SLC25A19: variants seen among roughly 807,000 people sequenced by gnomAD.
The protein encoded by SLC25A19 is solute carrier family 25 member 19.
Under a neutral mutation model 27.9 loss-of-function variants are expected in SLC25A19, and 18 were observed. The ratio of observed to expected loss-of-function variants is 0.64; its 90% CI spans 0.45 to 0.96. The LOEUF (loss-of-function observed/expected upper bound fraction) is 0.96, where lower values mean the gene tolerates loss of function less well. Ranked by LOEUF, SLC25A19 falls within the 40% of genes least tolerant of loss-of-function variation. SLC25A19 has a pLI of 0.00. For synonymous variants in SLC25A19, 169 were observed against 167.1 expected, an observed-to-expected ratio of 1.01 and a Z score of -0.09; for missense variants, 371 against 418.3, an observed-to-expected ratio of 0.89 and a Z score of 0.99.
chr17:75,281,525 T>C (rs553845889), intron 5 of SLC25A19, among the ~76,000 whole-genome samples: 72 of 152,124 alleles, frequency 4.7e-4, no homozygotes, highest in African/African-American at 1.7e-3. Flanking sequence ...GGTGAAACCC[T>C]GTCTCTACGA....
Position 75,283,685 on chromosome 17 carries a change from G to A in SLC25A19, c.289-92C>T, listed in dbSNP as rs2078111610. ...AATACATCACCCGTGACCCGGCTGG[G>A]GCCCAGGTGGAGGGGCGAGGAAAAG... On this transcript the variant is annotated intron_variant, in intron 4 of 7. Coordinates refer to ENST00000416858, the MANE Select transcript of SLC25A19 (RefSeq NM_001126121.2). 3 of 1,309,060 alleles carry A rather than the reference G, an allele frequency of 2.3e-6. No individual in the cohort carries two copies. The East Asian group carries it at 7.3e-5, about 32-fold the overall frequency. 81.1% of individuals were successfully genotyped at this position (1,309,060 alleles called of 1,614,324 possible).
rs535897553 is a variant in SLC25A19, at chr17:75,282,769, G to A, written c.459+654C>T. On this transcript the variant is annotated intron_variant, in intron 5 of 7. Coordinates refer to ENST00000416858, the MANE Select transcript of SLC25A19 (RefSeq NM_001126121.2). ...CGGGAGGCTGAGGAGGGAGAATGGC[G>A]TGAACCCAGGAGGCGGAGCTTGCAG... Among the ~76,000 whole-genome samples the A allele has an allele frequency of 8.6e-5, 13 of 150,828 alleles. No homozygotes were observed. In the East Asian group the frequency reaches 1.4e-3, roughly 16 times the overall value.
intron 7 of SLC25A19, among the ~76,000 whole-genome samples, chr17:75,276,053 C>A (rs1051310371): frequency 3.9e-5 from 6 of 151,920 alleles, no homozygotes; most frequent in African/African-American, 1.2e-4. Flanking sequence ...GCAGGTGGAT[C>A]ACCTGAGGTC....
At chr17:75,279,358 G>A (rs146169513) in intron 5 of SLC25A19, among the ~76,000 whole-genome samples, 1 of 152,138 alleles carries the variant, frequency 6.6e-6, no homozygotes, top group African/African-American at 2.4e-5. Context: ...TTATAATATG[G>A]TTGTGACTAG....
Position 75,273,406 on chromosome 17 carries a change from C to T in SLC25A19, c.*45G>A, listed in dbSNP as rs765649343. On this transcript the variant is annotated 3_prime_UTR_variant, in exon 8 of 8. Coordinates refer to ENST00000416858, the MANE Select transcript of SLC25A19 (RefSeq NM_001126121.2). Reference sequence around the variant, plus strand: ...CTCAGTGGAGACTGAATCTTCCTTCCTTCAGGAGGCTGCCTCCAGGGAAGA... The same window carrying T: ...CTCAGTGGAGACTGAATCTTCCTTCTTTCAGGAGGCTGCCTCCAGGGAAGA... 41 of 1,592,576 alleles carry T rather than the reference C, an allele frequency of 2.6e-5. No individual in the cohort carries two copies. In the Middle Eastern group the frequency reaches 5.5e-4, roughly 21 times the overall value.
chr17:75,279,754 G>A (rs909220371), intron 5 of SLC25A19, among the ~76,000 whole-genome samples: 10 of 151,916 alleles, frequency 6.6e-5, no homozygotes, highest in East Asian at 3.9e-4. Flanking sequence ...TGATCCGCCC[G>A]CCTTGGCCTC....
chr17:75,274,529 T>A (rs1175246222), intron 7 of SLC25A19, among the ~76,000 whole-genome samples: 2 of 152,190 alleles, frequency 1.3e-5, no homozygotes, highest in Non-Finnish European at 2.9e-5. Flanking sequence ...TGACCTCCAC[T>A]GGTCCTCCCA....
At chr17:75,275,980 A>T (rs1218421368) in intron 7 of SLC25A19, among the ~76,000 whole-genome samples, 7 of 149,966 alleles carry the variant, frequency 4.7e-5, no homozygotes, top group East Asian at 3.9e-4. Flanking sequence ...CAAAAAATAT[A>T]TATATATATA....
chr17:75,274,517 TCTGAC>T (rs2077814073), intron 7 of SLC25A19, among the ~76,000 whole-genome samples: 1 of 152,184 alleles, frequency 6.6e-6, no homozygotes, highest in Non-Finnish European at 1.5e-5. Flanking sequence ...CCCTCCCTGA[TCTGAC>T]CTCCACTGGT....
chr17:75,277,546 TA>T lies in SLC25A19; in HGVS notation c.644-64del, dbSNP rs2077922553. 8 of 1,597,048 alleles carry T rather than the reference TA, an allele frequency of 5.0e-6. No homozygotes were observed. The Admixed American group carries it at 1.0e-4, about 20-fold the overall frequency. The stretch of plus-strand genomic sequence containing the variant: ...GAAATGCAGTCTATGGGTGACAACT[TA>T]AAAGGCGTCAGGGCTAATCCTCCAC... On this transcript the variant is annotated intron_variant, in intron 6 of 7. Coordinates refer to ENST00000416858, the MANE Select transcript of SLC25A19 (RefSeq NM_001126121.2).
rs2078181968 is a variant in SLC25A19 at position 75,286,380 on chromosome 17, T to A, written c.212A>T (p.Gln71Leu). 1.2e-6 allele frequency: 2 copies of A among 1,614,090 alleles called. No homozygotes were observed. The highest frequency in any genetic ancestry group is 2.2e-5 in the South Asian group (2 of 91,090). Reference protein sequence around the residue: ...GILQASRQILQEEGPTAFWKG... With the variant: ...GILQASRQILLEEGPTAFWKG... ...CCAGAAAGCTGTCGGACCCTCCTCC[T>A]GCAGAATCTGCCTAGAGGCCTGGAG... Residue 71 changes from glutamine (Q) to leucine (L), a missense_variant, in exon 4 of 8, where the codon CAG (glutamine) becomes CTG (leucine). Physicochemically the swap from Gln to Leu is moderately radical, Grantham distance 113 (BLOSUM62 -2). Transcript: ENST00000416858.
In SLC25A19 at chr17:75,283,287, C is replaced by A; in HGVS notation, c.459+136G>T. 2 of 972,870 alleles carry A rather than the reference C, an allele frequency of 2.1e-6. 1 individual carries two copies. The highest frequency in any genetic ancestry group is 4.2e-5 in the South Asian group (2 of 47,732). 60.3% of individuals were successfully genotyped at this position (972,870 alleles called of 1,614,324 possible). A position where few individuals can be genotyped will look rare whatever the true frequency, so the allele number is the denominator to read the frequency against. On this transcript the variant is annotated intron_variant, in intron 5 of 7. Transcript: ENST00000416858. ...CTGCACTCCAGCCTGCATGACAGAGCGAGATTCTGTCTCAAACAAAACAAA... is the reference window on the plus strand; with the variant it reads ...CTGCACTCCAGCCTGCATGACAGAGAGAGATTCTGTCTCAAACAAAACAAA...
In SLC25A19 at chr17:75,273,518, A is replaced by G. The variant is rs762011694; in HGVS notation, c.896T>C (p.Met299Thr). Residue 299 changes from methionine (M) to threonine (T), a missense_variant, in exon 8 of 8, where the codon ATG (methionine) becomes ACG (threonine). Coordinates refer to ENST00000416858, the MANE Select transcript of SLC25A19 (RefSeq NM_001126121.2). Reference protein sequence around the residue: ...LLKAALSTGFMFFSYEFFCNV... With the variant: ...LLKAALSTGFTFFSYEFFCNV... ...ACAGAAGAATTCATACGAGAAGAAC[A>G]TGAAGCCTGTGGAGAGGGCAGCCTT... The G allele has an allele frequency of 3.1e-6, 5 of 1,614,250 alleles. No individual in the cohort carries two copies. Among genetic ancestry groups the G allele is most frequent in the Non-Finnish European group, 4.2e-6 (5 of 1,180,048 alleles).
intron 5 of SLC25A19, among the ~76,000 whole-genome samples, chr17:75,282,954 C>A (rs771462166): frequency 6.6e-6 from 1 of 151,642 alleles, no homozygotes; most frequent in African/African-American, 2.4e-5. Flanking sequence ...CGCACCACTG[C>A]ACTCCAGCCT....
intron 5 of SLC25A19, among the ~76,000 whole-genome samples, chr17:75,278,755 G>T (rs1302763440): frequency 6.6e-6 from 1 of 151,940 alleles, no homozygotes; most frequent in Non-Finnish European, 1.5e-5. Flanking sequence ...GGCTGAGGCA[G>T]GCAGATCACT....
intron 7 of SLC25A19, among the ~76,000 whole-genome samples, chr17:75,276,493 G>A (rs1480857709): frequency 6.6e-6 from 1 of 151,646 alleles, no homozygotes; most frequent in African/African-American, 2.4e-5. Flanking sequence ...TCAGCCTCCC[G>A]AGTAGCTGGG....
At chr17:75,280,421 G>A (rs1567838452) in intron 5 of SLC25A19, among the ~76,000 whole-genome samples, 1 of 152,056 alleles carries the variant, frequency 6.6e-6, no homozygotes, top group Non-Finnish European at 1.5e-5. Flanking sequence ...TGTAATCCCA[G>A]CACTTTGGGA....
intron 7 of SLC25A19, among the ~76,000 whole-genome samples, chr17:75,276,672 C>T (rs1199601692): frequency 1.4e-5 from 2 of 146,446 alleles, no homozygotes; most frequent in Non-Finnish European, 3.0e-5. Context: ...CCACGCCCAG[C>T]CTCTGGACAT....
chr17:75,280,461 G>C (rs112988068), intron 5 of SLC25A19, among the ~76,000 whole-genome samples: 8,627 of 152,190 alleles, frequency 0.057, 308 homozygotes, highest in Middle Eastern at 0.13. Flanking sequence ...CTTGAGGCCA[G>C]CAGTTCCAGA....
Sources: allele counts gnomAD v4.1 joint callset (sites outside exome capture counted in the v4.1 genomes callset), GRCh38; gene constraint gnomAD v4.1.1; transcripts MANE v1.5; gene names NCBI Gene and HGNC (gene_info 2026-07-23, HGNC 2026-07-21).